The following KLRG1 variants were observed in gnomAD, a reference collection of about 807,000 sequenced individuals.
KLRG1 encodes killer cell lectin like receptor G1, also known as killer cell lectin-like receptor subfamily G member 1.
In KLRG1, 16 loss-of-function variants were observed where a neutral mutation model predicts 21.8. The ratio of observed to expected loss-of-function variants is 0.73; its 90% CI spans 0.50 to 1.11. The LOEUF (loss-of-function observed/expected upper bound fraction) is 1.11, where lower values mean the gene tolerates loss of function less well. Among genes scored for constraint, KLRG1 ranks in the 50% most tolerant of loss-of-function variants. KLRG1 has a pLI of 0.00. For missense variants in KLRG1, 173 were observed against 218.3 expected (o/e 0.79, Z 1.31); for synonymous variants, 69 against 75.9 (o/e 0.91, Z 0.47).
intron 3 of KLRG1, among the ~76,000 whole-genome samples, chr12:9,001,146 C>G (rs1407329968): frequency 6.6e-6 from 1 of 152,086 alleles, no homozygotes; most frequent in African/African-American, 2.4e-5. Flanking sequence ...TATATTTTTA[C>G]TCAATCTTGA....
the KLRG1 span, among the ~76,000 whole-genome samples, chr12:9,097,812 T>C: frequency 1.4e-4 from 21 of 152,266 alleles, no homozygotes; most frequent in African/African-American, 4.6e-4. Flanking sequence ...TTTGTATTTT[T>C]AGTAGATACG....
At chr12:9,099,089 A>C in the KLRG1 span, among the ~76,000 whole-genome samples, 2 of 152,138 alleles carry the variant, frequency 1.3e-5, no homozygotes, top group Non-Finnish European at 2.9e-5. Flanking sequence ...TTGGCTCCTT[A>C]GTAGTCTTAA....
At chr12:9,038,297 A>AGGCAGGCTGCCAGGAAG in the KLRG1 span, among the ~76,000 whole-genome samples, 2 of 152,118 alleles carry the variant, frequency 1.3e-5, no homozygotes, top group African/African-American at 2.4e-5. Context: ...AAAATCCATA[A>AGGCAGGCTGCCAGGAAG]GGCAGGCTGC....
At chr12:9,106,330 C>T in the KLRG1 span, 1 of 1,607,944 alleles carries the variant, frequency 6.2e-7, no homozygotes, top group South Asian at 1.1e-5. Flanking sequence ...GGACTGCCTT[C>T]CAGTCAATTC....
the KLRG1 span, among the ~76,000 whole-genome samples, chr12:9,215,209 T>C: frequency 6.6e-6 from 1 of 152,034 alleles, no homozygotes; most frequent in African/African-American, 2.4e-5. Flanking sequence ...ACTGTGAACT[T>C]TGATATTTCA....
At chr12:9,178,712 G>A in the KLRG1 span, among the ~76,000 whole-genome samples, 2 of 152,180 alleles carry the variant, frequency 1.3e-5, no homozygotes, top group African/African-American at 4.8e-5. Context: ...TTAAATTTGT[G>A]GGTGGAAGAC....
At chr12:9,098,719 G>A in the KLRG1 span, 13 of 1,612,968 alleles carry the variant, frequency 8.1e-6, no homozygotes, top group Non-Finnish European at 1.1e-5. Flanking sequence ...GGCGTGTGAG[G>A]CTGGGAGACT....
chr12:9,214,445 G>A, the KLRG1 span, among the ~76,000 whole-genome samples: 2,425 of 151,986 alleles, frequency 0.016, 40 homozygotes, highest in African/African-American at 0.037. Context: ...ATCTTTATCC[G>A]ATTAAGTCTT....
the KLRG1 span, among the ~76,000 whole-genome samples, chr12:9,131,176 A>T: frequency 2.0e-3 from 311 of 152,190 alleles, 2 homozygotes; most frequent in African/African-American, 7.3e-3. Flanking sequence ...CACTGCTTTG[A>T]TCATTGTGTC....
the KLRG1 span, chr12:9,110,287 T>G: frequency 6.9e-7 from 1 of 1,453,128 alleles, no homozygotes. Context: ...GCTTTCCTTT[T>G]AATATGGAAT....
At chr12:8,985,168 A>G (rs1167748226), upstream of KLRG1, among the ~76,000 whole-genome samples, 2 of 30,770 alleles carry the variant, frequency 6.5e-5, no homozygotes, top group South Asian at 2.4e-3. Context: ...ACAGTTTCTC[A>G]GTGTTTTTTT....
Position 8,961,501 on chromosome 12 carries a change from C to T in KLRG1, c.-156+11265C>T, listed in dbSNP as rs554929205. Among the ~76,000 whole-genome samples the T allele has an allele frequency of 1.3e-3, 203 of 152,290 alleles. 1 individual carries two copies. The highest frequency in any genetic ancestry group is 4.6e-3 in the African/African-American group (193 of 41,558). ...GATCTCAGCTCACTGCAACCTCCAT[C>T]TCCCAGGTTCAAGTGATTCTCCTGC... is the stretch of plus-strand genomic sequence containing the variant. On this transcript the variant is annotated intron_variant, in intron 1 of 4. Coordinates refer to the KLRG1 transcript ENST00000539240.
chr12:8,987,128 A>G (rs1946854899), upstream of KLRG1: 1 of 152,050 alleles, frequency 6.6e-6, no homozygotes, highest in Non-Finnish European at 1.5e-5. Context: ...CCTTTTTTTA[A>G]AAAATGATCT....
At chr12:9,056,120 G>A in the KLRG1 span, among the ~76,000 whole-genome samples, 1 of 152,192 alleles carries the variant, frequency 6.6e-6, no homozygotes, top group African/African-American at 2.4e-5. Flanking sequence ...AGGGGACACT[G>A]TATTCAGCAA....
intron 1 of KLRG1, among the ~76,000 whole-genome samples, chr12:8,990,639 G>C (rs939906790): frequency 6.6e-6 from 1 of 151,958 alleles, no homozygotes; most frequent in Non-Finnish European, 1.5e-5. Flanking sequence ...CTAAGGAATA[G>C]AAATATTACG....
chr12:9,008,132 A>G (rs1387977303), intron 3 of KLRG1, among the ~76,000 whole-genome samples: 3 of 152,182 alleles, frequency 2.0e-5, no homozygotes, highest in Non-Finnish European at 4.4e-5. Flanking sequence ...GCCACATACA[A>G]GATTGATGAG....
the KLRG1 span, among the ~76,000 whole-genome samples, chr12:9,078,640 AATTTAC>A: frequency 6.6e-6 from 1 of 152,214 alleles, no homozygotes; most frequent in African/African-American, 2.4e-5. Context: ...TGGTTGAACA[AATTTAC>A]ATTCAAGTAA....
Position 8,972,136 on chromosome 12 carries a change from A to G in KLRG1, c.-155-20070A>G, listed in dbSNP as rs759132973. On this transcript the variant is annotated intron_variant, in intron 1 of 4. Transcript: ENST00000539240. ...TTTCCTAGAGTAGTTTTACAGTTTC[A>G]GGCCTTATGTTTAAGTCTTTAATCC... Among the ~76,000 whole-genome samples, 9 of 152,088 alleles carry G rather than the reference A, an allele frequency of 5.9e-5. No individual in the cohort carries two copies. The East Asian group carries it at 1.7e-3, about 29-fold the overall frequency.
rs771309087 is a variant in KLRG1, at chr12:9,009,757, T to C, written c.*220T>C. ...TTATGTGAGCAATTTAAAGACCAGA[T>C]CTAAGCAAATTTTGAAATAGATGTT... On this transcript the variant is annotated 3_prime_UTR_variant, in exon 5 of 5. Transcript: ENST00000356986. 9.7e-5 allele frequency: 137 copies of C among 1,418,954 alleles called. No homozygotes were observed. Among genetic ancestry groups the C allele is most frequent in the Non-Finnish European group, 1.2e-4 (133 of 1,092,892 alleles). 87.9% of individuals were successfully genotyped at this position (1,418,954 alleles called of 1,614,324 possible).
Sources: allele counts gnomAD v4.1 joint callset (sites outside exome capture counted in the v4.1 genomes callset), GRCh38; gene constraint gnomAD v4.1.1; transcripts MANE v1.5; gene names NCBI Gene and HGNC (gene_info 2026-07-23, HGNC 2026-07-21).